TEX10: variants seen among roughly 807,000 people sequenced by gnomAD.
The protein encoded by TEX10 is testis expressed 10, also known as testis-expressed protein 10.
In TEX10, 24 loss-of-function variants were observed where a neutral mutation model predicts 104.4. The ratio of observed to expected loss-of-function variants is 0.23; its 90% CI spans 0.17 to 0.32. The LOEUF is 0.32. Ranked by LOEUF, TEX10 falls within the 10% of genes least tolerant of loss-of-function variation. The pLI is 1.00. For synonymous variants in TEX10, 396 were observed against 393.4 expected (o/e 1.01, Z -0.08); for missense variants, 921 against 1,083.9 (o/e 0.85, Z 2.11).
chr9:100,335,263 T>A (rs1834978294), intron 5 of TEX10, among the ~76,000 whole-genome samples: 2 of 152,074 alleles, frequency 1.3e-5, no homozygotes, highest in Non-Finnish European at 2.9e-5. Flanking sequence ...AGTGCAGTGG[T>A]GTGATCTCGG....
chr9:100,338,265 T>C (rs932382628), intron 5 of TEX10, among the ~76,000 whole-genome samples: 4 of 152,204 alleles, frequency 2.6e-5, no homozygotes, highest in South Asian at 2.1e-4. Flanking sequence ...ATAGTAGCCA[T>C]AGCAGACTCC....
chr9:100,308,455 G>A lies in TEX10; in HGVS notation c.2465+45C>T, dbSNP rs758507933. ...CTATTTTATTATTTGGTTGGGGGAG[G>A]AGGAACAGTAGGAAAATTAAGGTTG... On this transcript the variant is annotated intron_variant, in intron 13 of 14. Coordinates refer to ENST00000374902, the MANE Select transcript of TEX10 (RefSeq NM_017746.4). 2.0e-6 allele frequency: 3 copies of A among 1,496,008 alleles called. No individual in the cohort carries two copies. In the South Asian group the frequency reaches 4.1e-5, roughly 20 times the overall value. 92.7% of individuals were successfully genotyped at this position (1,496,008 alleles called of 1,614,324 possible). A position where few individuals can be genotyped will look rare whatever the true frequency, so the allele number is the denominator to read the frequency against.
At chr9:100,315,714 G>A (rs1335173438) in intron 11 of TEX10, among the ~76,000 whole-genome samples, 2 of 151,928 alleles carry the variant, frequency 1.3e-5, no homozygotes, top group African/African-American at 2.4e-5. Context: ...TCAGCACTTT[G>A]ATTATGCCAT....
chr9:100,337,822 T>C (rs918161664), intron 5 of TEX10, among the ~76,000 whole-genome samples: 1 of 152,206 alleles, frequency 6.6e-6, no homozygotes, highest in South Asian at 2.1e-4. Flanking sequence ...TGAAACCATA[T>C]CCACGTTCAT....
chr9:100,346,286 T>G lies in TEX10; in HGVS notation c.923A>C (p.Asp308Ala). Reference protein sequence around the residue: ...RYLVGGLSGVDEGLSSTENLK... With the variant: ...RYLVGGLSGVAEGLSSTENLK... ...GTTTTCAGTAGATGACAGGCCTTCATCCACACCACTCAGTCCTCCAACCAG... is the reference window on the plus strand; with the variant it reads ...GTTTTCAGTAGATGACAGGCCTTCAGCCACACCACTCAGTCCTCCAACCAG... Residue 308 changes from aspartate (D) to alanine (A), a missense_variant, in exon 4 of 15, where the codon GAT becomes GCT. Asp to Ala is a moderately radical substitution (Grantham distance 126). Coordinates refer to ENST00000374902, the MANE Select transcript of TEX10 (RefSeq NM_017746.4). 6 of 1,613,970 alleles carry G rather than the reference T, an allele frequency of 3.7e-6. No homozygotes were observed. Among genetic ancestry groups the G allele is most frequent in the Non-Finnish European group, 4.2e-6 (5 of 1,179,928 alleles).
intron 2 of TEX10, 26 bp downstream of exon 2, chr9:100,349,158 T>G: frequency 1.3e-6 from 2 of 1,503,420 alleles, no homozygotes; most frequent in Non-Finnish European, 1.8e-6. Flanking sequence ...AAATCTTATT[T>G]TGTCAAAACA....
chr9:100,329,428 T>C (rs565332757), intron 6 of TEX10, among the ~76,000 whole-genome samples, 153 bp from the exon 7 acceptor site: 4 of 152,132 alleles, frequency 2.6e-5, no homozygotes, highest in African/African-American at 9.7e-5. Flanking sequence ...CCTATAGCAA[T>C]AGCCTAATAA....
chr9:100,330,845 G>A (rs556920258), intron 5 of TEX10, among the ~76,000 whole-genome samples: 1 of 152,340 alleles, frequency 6.6e-6, no homozygotes, highest in Non-Finnish European at 1.5e-5. Context: ...GCTGGGTGTG[G>A]TGGCCCATGC....
intron 13 of TEX10, 100 bp downstream of exon 13, chr9:100,308,400 T>A: frequency 1.1e-6 from 1 of 935,902 alleles, no homozygotes; most frequent in Non-Finnish European, 1.5e-6. Flanking sequence ...GAATTTAAGG[T>A]ATCTGTATAA....
Position 100,321,679 on chromosome 9 carries a change from T to G in TEX10, c.2068+4A>C. The G allele has an allele frequency of 6.2e-7, 1 of 1,608,116 alleles. No individual in the cohort carries two copies. Among genetic ancestry groups the G allele is most frequent in the Non-Finnish European group, 8.5e-7 (1 of 1,177,238 alleles). On this transcript the variant is annotated splice_donor_region_variant and intron_variant, in intron 10 of 14. Transcript: ENST00000374902. The stretch of plus-strand genomic sequence containing the variant: ...TTTTTAATCTGGCAAGTGAATGTGG[T>G]TACCTGTAAGTGTGGAAAATAAGAA...
intron 2 of TEX10, among the ~76,000 whole-genome samples, chr9:100,347,649 C>A (rs1003505409): frequency 6.6e-6 from 1 of 152,110 alleles, no homozygotes. Context: ...TACATGCAGG[C>A]TTAGGCGCTC....
chr9:100,313,250 C>A (rs371004208), intron 11 of TEX10, among the ~76,000 whole-genome samples: 1 of 152,076 alleles, frequency 6.6e-6, no homozygotes, highest in South Asian at 2.1e-4. Context: ...CATGGTGGCT[C>A]ATGCCTGTAA....
intron 1 of TEX10, among the ~76,000 whole-genome samples, chr9:100,351,489 A>G (rs1329511198): frequency 6.6e-6 from 1 of 152,148 alleles, no homozygotes; most frequent in African/African-American, 2.4e-5. Flanking sequence ...GGTTTTCATT[A>G]ATTAAGCAAG....
chr9:100,343,011 T>C (rs924176043), intron 4 of TEX10, among the ~76,000 whole-genome samples: 1 of 151,288 alleles, frequency 6.6e-6, no homozygotes, highest in Non-Finnish European at 1.5e-5. Context: ...TAGCTGGGCA[T>C]AGTGGCAGGC....
intron 11 of TEX10, among the ~76,000 whole-genome samples, chr9:100,315,046 T>A (rs941566837): frequency 2.0e-5 from 3 of 152,210 alleles, no homozygotes; most frequent in Admixed American, 2.0e-4. Flanking sequence ...TGCAAAACGA[T>A]GTATTTGCAT....
At chr9:100,351,400 C>CG (rs1564224758) in intron 1 of TEX10, among the ~76,000 whole-genome samples, 1 of 77,806 alleles carries the variant, frequency 1.3e-5, no homozygotes, top group Admixed American at 1.4e-4. Flanking sequence ...AGCTGGGGGT[C>CG]GGTGGGTGGG....
At chr9:100,350,577 T>C (rs530698538) in intron 1 of TEX10, among the ~76,000 whole-genome samples, 136 of 152,296 alleles carry the variant, frequency 8.9e-4, no homozygotes, top group Non-Finnish European at 1.5e-3. Context: ...GTACACCACT[T>C]GAATAGGGTA....
rs754635610 is a variant in TEX10 at position 100,340,280 on chromosome 9, G to C, written c.1227C>G (p.His409Gln). ...ACCTTTTATTTGGCTCTTTCCTTTT[G>C]TGCTTGGTTATTTCTTTTAAGACAT... ...FPYVLKEITKHKRKEPNKSIK... is the reference protein window; with the variant it reads ...FPYVLKEITKQKRKEPNKSIK... The change falls in exon 5 of 15, where the codon CAC becomes CAG. Residue 409 changes from histidine to glutamine, a missense_variant. Transcript: ENST00000374902. 1 of 1,570,206 alleles carries C rather than the reference G, an allele frequency of 6.4e-7. No homozygotes were observed. The highest frequency in any genetic ancestry group is 2.4e-5 in the East Asian group (1 of 42,190).
rs1238681604 is a variant in TEX10 at position 100,340,284 on chromosome 9, T to C, written c.1223A>G (p.Lys408Arg). Residue 408 changes from lysine to arginine, a missense_variant, in exon 5 of 15, where the codon AAG becomes AGG. Lys to Arg is a conservative substitution (Grantham distance 26). Transcript: ENST00000374902. The part of the protein sequence containing the change: ...RFPYVLKEIT[K>R]HKRKEPNKSI... ...TTTATTTGGCTCTTTCCTTTTGTGC[T>C]TGGTTATTTCTTTTAAGACATATGG... 7 of 1,573,838 alleles carry C rather than the reference T, an allele frequency of 4.4e-6. No homozygotes were observed. Among genetic ancestry groups the C allele is most frequent in the African/African-American group, 1.4e-5 (1 of 72,336 alleles).
Sources: allele counts gnomAD v4.1 joint callset (sites outside exome capture counted in the v4.1 genomes callset), GRCh38; gene constraint gnomAD v4.1.1; transcripts MANE v1.5; gene names NCBI Gene and HGNC (gene_info 2026-07-23, HGNC 2026-07-21).